CATSPERT: variants seen among roughly 807,000 people sequenced by gnomAD.
CATSPERT encodes the protein catsper channel auxiliary subunit tau.
At chr2:201,617,961 C>T in the CATSPERT span, among the ~76,000 whole-genome samples, 4 of 152,158 alleles carry the variant, frequency 2.6e-5, no homozygotes, top group African/African-American at 7.2e-5. Flanking sequence ...TGAAAAAATG[C>T]TCATCATCAC....
chr2:201,504,816 G>A, the CATSPERT span, among the ~76,000 whole-genome samples: 1 of 152,220 alleles, frequency 6.6e-6, no homozygotes, highest in Admixed American at 6.5e-5. Flanking sequence ...CATAAGGTAA[G>A]GTTCCTAGTG....
the CATSPERT span, chr2:201,492,843 T>C: frequency 6.5e-7 from 1 of 1,536,648 alleles, no homozygotes; most frequent in South Asian, 1.2e-5. Flanking sequence ...TATGTCCTGA[T>C]TCTGAAAGTC....
At chr2:201,529,383 C>T in the CATSPERT span, among the ~76,000 whole-genome samples, 4 of 152,192 alleles carry the variant, frequency 2.6e-5, no homozygotes, top group African/African-American at 9.6e-5. Context: ...AACAGCATGG[C>T]ACTGGCACAA....
chr2:201,528,498 A>C, the CATSPERT span, among the ~76,000 whole-genome samples: 1 of 152,304 alleles, frequency 6.6e-6, no homozygotes, highest in East Asian at 1.9e-4. Context: ...TAGGAAAGAC[A>C]TGGAATCAAC....
At chr2:201,615,681 G>A in the CATSPERT span, among the ~76,000 whole-genome samples, 1 of 152,158 alleles carries the variant, frequency 6.6e-6, no homozygotes, top group Non-Finnish European at 1.5e-5. Context: ...TCAAAAGCTA[G>A]CAGAAGGCAA....
the CATSPERT span, among the ~76,000 whole-genome samples, chr2:201,541,401 T>C: frequency 6.6e-6 from 1 of 151,628 alleles, no homozygotes; most frequent in African/African-American, 2.4e-5. Flanking sequence ...CATTGTTGTC[T>C]TATTTTTAAA....
the CATSPERT span, among the ~76,000 whole-genome samples, chr2:201,495,228 C>T: frequency 6.6e-6 from 1 of 151,840 alleles, no homozygotes. Context: ...CATAAATATT[C>T]TCTAAAAACT....
At chr2:201,528,614 A>C in the CATSPERT span, among the ~76,000 whole-genome samples, 1 of 152,190 alleles carries the variant, frequency 6.6e-6, no homozygotes, top group Non-Finnish European at 1.5e-5. Context: ...TTGCAGAAAC[A>C]TGGATGCAGC....
chr2:201,573,703 C>T, the CATSPERT span, among the ~76,000 whole-genome samples: 4 of 152,144 alleles, frequency 2.6e-5, no homozygotes, highest in Non-Finnish European at 5.9e-5. Flanking sequence ...ATCGCCCAGG[C>T]TGGAGTGCTG....
the CATSPERT span, chr2:201,557,192 ATAAATT>A: frequency 6.6e-6 from 1 of 152,242 alleles, no homozygotes; most frequent in Non-Finnish European, 1.5e-5. Context: ...AATATGATAC[ATAAATT>A]TAAATTCAAA....
At chr2:201,576,675 C>T in the CATSPERT span, among the ~76,000 whole-genome samples, 2 of 152,136 alleles carry the variant, frequency 1.3e-5, no homozygotes, top group Non-Finnish European at 2.9e-5. Context: ...GCCCACGGCA[C>T]GCGGAGTGAA....
chr2:201,559,099 C>T, the CATSPERT span, among the ~76,000 whole-genome samples: 2 of 152,222 alleles, frequency 1.3e-5, no homozygotes, highest in African/African-American at 4.8e-5. Context: ...CCTGGGCCAA[C>T]AGGGTGGCTA....
chr2:201,579,809 C>T, the CATSPERT span, among the ~76,000 whole-genome samples: 2 of 150,352 alleles, frequency 1.3e-5, no homozygotes, highest in African/African-American at 4.9e-5. Flanking sequence ...GAAGTTAGTT[C>T]TACACTCAGC....
chr2:201,492,615 TTTTAGGAAA>T, the CATSPERT span: 1 of 1,526,714 alleles, frequency 6.6e-7, no homozygotes, highest in Non-Finnish European at 8.8e-7. Context: ...CTGAAATGTT[TTTTAGGAAA>T]TAGTTTTGGA....
chr2:201,523,349 A>C, the CATSPERT span, among the ~76,000 whole-genome samples: 10 of 152,190 alleles, frequency 6.6e-5, no homozygotes, highest in Non-Finnish European at 1.0e-4. Flanking sequence ...CTAGGCCCCC[A>C]GGGTTAGAGC....
the CATSPERT span, among the ~76,000 whole-genome samples, chr2:201,589,968 T>TTTTATTTA: frequency 6.6e-6 from 1 of 151,072 alleles, no homozygotes; most frequent in Non-Finnish European, 1.5e-5. Context: ...ATACTTTTCT[T>TTTTATTTA]TTTATTTATT....
chr2:201,487,495 CAA>C, the CATSPERT span: 1 of 1,000,346 alleles, frequency 1.0e-6, no homozygotes, highest in Non-Finnish European at 1.4e-6. Context: ...TTCTGTCACA[CAA>C]AAGAAGAGAT....
At chr2:201,572,889 G>A in the CATSPERT span, among the ~76,000 whole-genome samples, 1 of 152,112 alleles carries the variant, frequency 6.6e-6, no homozygotes, top group African/African-American at 2.4e-5. Context: ...AGATTTCTCA[G>A]TTAACACAGC....
At chr2:201,532,902 G>A in the CATSPERT span, among the ~76,000 whole-genome samples, 1 of 152,136 alleles carries the variant, frequency 6.6e-6, no homozygotes, top group Non-Finnish European at 1.5e-5. Flanking sequence ...GATGACAAGG[G>A]TATGGCTGTA....
Sources: allele counts gnomAD v4.1 joint callset (sites outside exome capture counted in the v4.1 genomes callset), GRCh38; gene constraint gnomAD v4.1.1; transcripts MANE v1.5; gene names NCBI Gene and HGNC (gene_info 2026-07-23, HGNC 2026-07-21).